Variants in MAGI2 observed in about 807,000 individuals in gnomAD.
MAGI2 encodes membrane-associated guanylate kinase, WW and PDZ domain-containing protein 2.
Under a neutral mutation model 133.3 loss-of-function variants are expected in MAGI2, and 35 were observed. The ratio of observed to expected loss-of-function variants is 0.26; its 90% CI spans 0.20 to 0.35. MAGI2 has a LOEUF of 0.35. MAGI2 is among the 10% of genes least tolerant of loss of function. MAGI2 has a pLI of 1.00. For synonymous variants in MAGI2, 729 were observed against 710.6 expected, an observed-to-expected ratio of 1.03 and a Z score of -0.41; for missense variants, 1,636 against 1,863.4, an observed-to-expected ratio of 0.88 and a Z score of 2.25.
chr7:78,689,405 T>C (rs1203295162), intron 2 of MAGI2, among the ~76,000 whole-genome samples: 1 of 152,120 alleles, frequency 6.6e-6, no homozygotes, highest in Non-Finnish European at 1.5e-5. Context: ...AAAAAAACCA[T>C]TCTTTTAAAT....
At chr7:78,725,260 A>T (rs925739908) in intron 2 of MAGI2, among the ~76,000 whole-genome samples, 6 of 152,244 alleles carry the variant, frequency 3.9e-5, no homozygotes, top group African/African-American at 1.4e-4. Flanking sequence ...AGGTGAACTA[A>T]TAGATCGAAA....
At chr7:78,388,569 T>A (rs1225265226) in intron 6 of MAGI2, among the ~76,000 whole-genome samples, 2 of 152,182 alleles carry the variant, frequency 1.3e-5, no homozygotes, top group African/African-American at 4.8e-5. Flanking sequence ...TGTGGGAACT[T>A]GGCTTGAAGG....
At chr7:78,139,891 A>C (rs932379313) in intron 16 of MAGI2, among the ~76,000 whole-genome samples, 1 of 152,232 alleles carries the variant, frequency 6.6e-6, no homozygotes, top group Non-Finnish European at 1.5e-5. Context: ...AACATGTTTT[A>C]TATTTTCCCA....
At chr7:78,658,084 A>G (rs941255441) in intron 2 of MAGI2, among the ~76,000 whole-genome samples, 4 of 152,202 alleles carry the variant, frequency 2.6e-5, no homozygotes, top group African/African-American at 9.6e-5. Context: ...TAAATATTTC[A>G]TAGATTTCTC....
intron 1 of MAGI2, among the ~76,000 whole-genome samples, chr7:79,226,851 T>G (rs1226634276): frequency 1.3e-5 from 2 of 152,180 alleles, no homozygotes; most frequent in Non-Finnish European, 2.9e-5. Flanking sequence ...GCATCATAGC[T>G]TTGCTTTGAA....
intron 1 of MAGI2, among the ~76,000 whole-genome samples, chr7:79,077,489 G>T (rs1469000305): frequency 6.7e-6 from 1 of 148,912 alleles, no homozygotes; most frequent in African/African-American, 2.5e-5. Context: ...GCAGGAGAAT[G>T]GTGTGAACCT....
At chr7:78,918,328 T>C (rs780215351) in intron 2 of MAGI2, among the ~76,000 whole-genome samples, 17 of 152,316 alleles carry the variant, frequency 1.1e-4, no homozygotes, top group African/African-American at 3.8e-4. Flanking sequence ...ATATCTATGA[T>C]GATAACTCCT....
chr7:79,369,624 A>T (rs1257890679), intron 1 of MAGI2, among the ~76,000 whole-genome samples: 1 of 152,184 alleles, frequency 6.6e-6, no homozygotes, highest in Non-Finnish European at 1.5e-5. Flanking sequence ...GTAGAACTCC[A>T]GCACAACTTA....
intron 2 of MAGI2, among the ~76,000 whole-genome samples, chr7:78,681,161 T>G (rs568141406): frequency 6.6e-6 from 1 of 152,218 alleles, no homozygotes; most frequent in East Asian, 1.9e-4. Flanking sequence ...AAATACATTC[T>G]CCATATCCAC....
intron 2 of MAGI2, among the ~76,000 whole-genome samples, chr7:78,690,243 G>A (rs1287834642): frequency 1.3e-5 from 2 of 152,040 alleles, no homozygotes; most frequent in African/African-American, 2.4e-5. Flanking sequence ...GACACACTTA[G>A]CGAATGTGCT....
chr7:79,203,147 T>C (rs1467771998), intron 1 of MAGI2, among the ~76,000 whole-genome samples: 1 of 152,030 alleles, frequency 6.6e-6, no homozygotes, highest in East Asian at 1.9e-4. Flanking sequence ...TCTCGATTTC[T>C]CATCCTCTCC....
At chr7:78,869,707 G>C (rs531366714) in intron 2 of MAGI2, among the ~76,000 whole-genome samples, 21 of 152,244 alleles carry the variant, frequency 1.4e-4, no homozygotes, top group Middle Eastern at 3.4e-3. Context: ...GATCTCATGA[G>C]AACTCACTTA....
At chr7:79,265,810 C>T (rs1834418469) in intron 1 of MAGI2, among the ~76,000 whole-genome samples, 1 of 152,078 alleles carries the variant, frequency 6.6e-6, no homozygotes, top group South Asian at 2.1e-4. Flanking sequence ...GAATTTAATT[C>T]ATCTAAGCTT....
chr7:78,130,063 T>C (rs1395721582), intron 18 of MAGI2, among the ~76,000 whole-genome samples: 2 of 151,928 alleles, frequency 1.3e-5, no homozygotes, highest in Non-Finnish European at 2.9e-5. Context: ...CAAATATCAA[T>C]TGCCCTTGCT....
At chr7:79,402,651 A>G (rs1446934730) in intron 1 of MAGI2, among the ~76,000 whole-genome samples, 1 of 152,084 alleles carries the variant, frequency 6.6e-6, no homozygotes, top group Non-Finnish European at 1.5e-5. Context: ...TATTATTTCC[A>G]CTATTTGTTT....
chr7:78,449,847 A>G (rs1192724209), intron 6 of MAGI2, among the ~76,000 whole-genome samples: 2 of 152,102 alleles, frequency 1.3e-5, no homozygotes, highest in African/African-American at 4.8e-5. Flanking sequence ...AAGAGAATTA[A>G]AAGTAACTTT....
At chr7:78,853,312 A>G (rs1029246674) in intron 2 of MAGI2, among the ~76,000 whole-genome samples, 1 of 95,668 alleles carries the variant, frequency 1.0e-5, no homozygotes, top group Non-Finnish European at 2.0e-5. Flanking sequence ...TAACGCTCAT[A>G]TTACTCTTGT....
intron 2 of MAGI2, among the ~76,000 whole-genome samples, chr7:78,654,214 T>C (rs1811889610): frequency 1.3e-5 from 2 of 152,176 alleles, no homozygotes; most frequent in African/African-American, 4.8e-5. Context: ...TGGGCAAGCT[T>C]GGACAAATTT....
At chr7:78,608,471 G>GTA (rs1022062937) in intron 3 of MAGI2, among the ~76,000 whole-genome samples, 5,693 of 149,582 alleles carry the variant, frequency 0.038, 302 homozygotes, top group African/African-American at 0.12. Context: ...GTGTGTGTAT[G>GTA]TATATATATA....
Sources: gnomAD v4.1 joint callset for allele counts (sites outside exome capture counted in the v4.1 genomes callset) on GRCh38, gnomAD v4.1.1 for gene constraint, MANE v1.5 for transcripts, NCBI Gene and HGNC (gene_info 2026-07-23, HGNC 2026-07-21) for gene names.